HMCN1: variants seen among roughly 807,000 people sequenced by gnomAD.
The protein encoded by HMCN1 is hemicentin 1.
A neutral mutation model predicts 625.9 loss-of-function variants in HMCN1; 321 were observed. The ratio of observed to expected loss-of-function variants is 0.51; its 90% CI spans 0.47 to 0.56. HMCN1 has a LOEUF of 0.56. HMCN1 is among the 20% of genes least tolerant of loss of function. The pLI is 0.00. For synonymous variants in HMCN1, 2,425 were observed against 2,417.6 expected, an observed-to-expected ratio of 1.00 and a Z score of -0.09; for missense variants, 6,588 against 6,887.3, an observed-to-expected ratio of 0.96 and a Z score of 1.54.
intron 1 of HMCN1, among the ~76,000 whole-genome samples, chr1:185,789,702 G>A (rs1657864264): frequency 6.6e-6 from 1 of 152,162 alleles, no homozygotes; most frequent in African/African-American, 2.4e-5. Flanking sequence ...TGTGGTTGCT[G>A]TGATTACATT....
intron 100 of HMCN1, among the ~76,000 whole-genome samples, chr1:186,169,382 AAG>A (rs747134068): frequency 2.0e-5 from 3 of 152,222 alleles, no homozygotes; most frequent in Non-Finnish European, 2.9e-5. Context: ...CCGTATAGCC[AAG>A]ACAATCCTAA....
intron 40 of HMCN1, among the ~76,000 whole-genome samples, chr1:186,044,163 G>GT (rs1289243511): frequency 6.6e-6 from 1 of 152,162 alleles, no homozygotes; most frequent in Non-Finnish European, 1.5e-5. Flanking sequence ...GAATAATCAT[G>GT]TATCTTTTAT....
At chr1:185,971,971 G>A (rs944735130) in intron 15 of HMCN1, among the ~76,000 whole-genome samples, 1 of 152,132 alleles carries the variant, frequency 6.6e-6, no homozygotes, top group African/African-American at 2.4e-5. Flanking sequence ...GGGTAGCTCT[G>A]AATCTACTAG....
intron 82 of HMCN1, 124 bp from the exon 83 acceptor site, chr1:186,127,954 G>T: frequency 6.0e-6 from 5 of 838,960 alleles, no homozygotes; most frequent in Non-Finnish European, 9.8e-6. Flanking sequence ...AAGACTAAAA[G>T]ATGGAAATTT....
chr1:186,137,402 T>C, intron 87 of HMCN1, 96 bp from the exon 88 acceptor site: 1 of 1,327,234 alleles, frequency 7.5e-7, no homozygotes, highest in African/African-American at 1.5e-5. Flanking sequence ...AGCAACTATA[T>C]ATTTAGCTCT....
At chr1:185,955,034 C>T (rs772878466) in intron 11 of HMCN1, among the ~76,000 whole-genome samples, 1 of 152,036 alleles carries the variant, frequency 6.6e-6, no homozygotes, top group African/African-American at 2.4e-5. Context: ...TTTTTCTGTG[C>T]ATGGTTAGGT....
intron 40 of HMCN1, 77 bp from the exon 41 acceptor site, chr1:186,045,611 A>G (rs1656505491): frequency 9.4e-7 from 1 of 1,059,996 alleles, no homozygotes; most frequent in Non-Finnish European, 1.5e-6. Flanking sequence ...GGTATTCAGT[A>G]TATGTCCTGA....
In HMCN1 at chr1:186,171,323, GTTTTA is replaced by G. The variant is rs1652218402; in HGVS notation, c.15575-10_15575-6del. 1 of 1,586,892 alleles carries G rather than the reference GTTTTA, an allele frequency of 6.3e-7. No individual in the cohort carries two copies. The highest frequency in any genetic ancestry group is 1.7e-5 in the Admixed American group (1 of 59,858). On this transcript the variant is annotated splice_polypyrimidine_tract_variant and intron_variant, in intron 100 of 106. Coordinates refer to ENST00000271588, the MANE Select transcript of HMCN1 (RefSeq NM_031935.3). ...CCTAATAGCATATAATGAAAGTTTT[GTTTTA>G]TTTAACAGATATTAATGAATGTCAA...
chr1:186,115,965 T>C (rs1661114621), intron 75 of HMCN1, among the ~76,000 whole-genome samples: 1 of 152,148 alleles, frequency 6.6e-6, no homozygotes, highest in Admixed American at 6.5e-5. Flanking sequence ...ATGTTATAGG[T>C]GAGCATCATT....
chr1:185,846,895 C>T (rs1482156529), intron 2 of HMCN1, among the ~76,000 whole-genome samples: 1 of 152,096 alleles, frequency 6.6e-6, no homozygotes, highest in African/African-American at 2.4e-5. Flanking sequence ...CTTTTCTTTA[C>T]TCTCTCTTAG....
chr1:185,930,676 G>C (rs913797511), intron 10 of HMCN1, among the ~76,000 whole-genome samples: 9 of 151,842 alleles, frequency 5.9e-5, no homozygotes, highest in African/African-American at 2.2e-4. Context: ...GAGGACTTTT[G>C]GTTCAATTGA....
chr1:186,148,490 T>C (rs1198921764), intron 93 of HMCN1, among the ~76,000 whole-genome samples: 1 of 152,178 alleles, frequency 6.6e-6, no homozygotes, highest in Non-Finnish European at 1.5e-5. Flanking sequence ...ATGGTAGTTA[T>C]AGCCTTAGAA....
intron 65 of HMCN1, 104 bp downstream of exon 65, chr1:186,093,362 G>C: frequency 6.3e-7 from 1 of 1,582,586 alleles, no homozygotes; most frequent in Non-Finnish European, 8.7e-7. Context: ...TTTTAAATTT[G>C]ATGCCACCAC....
intron 105 of HMCN1, among the ~76,000 whole-genome samples, chr1:186,187,173 A>C (rs1653381139): frequency 6.6e-6 from 1 of 152,062 alleles, no homozygotes; most frequent in Admixed American, 6.6e-5. Context: ...AACAAAATAA[A>C]GAGTATTTCT....
intron 1 of HMCN1, among the ~76,000 whole-genome samples, chr1:185,799,137 C>G (rs549229409): frequency 6.6e-6 from 1 of 152,220 alleles, no homozygotes; most frequent in African/African-American, 2.4e-5. Flanking sequence ...GTATAAGTTC[C>G]TTGGTTATAG....
chr1:185,850,486 C>T (rs190303315), intron 2 of HMCN1, among the ~76,000 whole-genome samples: 5 of 152,038 alleles, frequency 3.3e-5, no homozygotes, highest in Non-Finnish European at 7.4e-5. Context: ...TGATTGTCTG[C>T]CTGTCCCCTT....
At chr1:185,748,102 T>C (rs1571299275) in intron 1 of HMCN1, among the ~76,000 whole-genome samples, 1 of 145,882 alleles carries the variant, frequency 6.9e-6, no homozygotes, top group Admixed American at 7.1e-5. Context: ...CACTAAGTAA[T>C]AGAGAACAAA....
intron 69 of HMCN1, among the ~76,000 whole-genome samples, chr1:186,106,440 T>G (rs2102451682): frequency 6.6e-6 from 1 of 152,334 alleles, no homozygotes; most frequent in African/African-American, 2.4e-5. Flanking sequence ...AGATGAGATA[T>G]TATGTGTTTG....
intron 36 of HMCN1, among the ~76,000 whole-genome samples, chr1:186,033,070 A>G (rs1303961816): frequency 1.3e-5 from 2 of 151,668 alleles, no homozygotes; most frequent in Admixed American, 1.3e-4. Flanking sequence ...ACACGCACAC[A>G]CACACACACA....
Sources: gnomAD v4.1 joint callset for allele counts (sites outside exome capture counted in the v4.1 genomes callset) on GRCh38, gnomAD v4.1.1 for gene constraint, MANE v1.5 for transcripts, NCBI Gene and HGNC (gene_info 2026-07-23, HGNC 2026-07-21) for gene names.